The following C1QTNF2 variants were observed in gnomAD, a reference collection of about 807,000 sequenced individuals.
C1QTNF2 encodes complement C1q tumor necrosis factor-related protein 2.
A neutral mutation model predicts 17.4 loss-of-function variants in C1QTNF2; 15 were observed. The ratio of observed to expected loss-of-function variants is 0.86; its 90% CI spans 0.58 to 1.33. The LOEUF (loss-of-function observed/expected upper bound fraction) is 1.33, where lower values mean the gene tolerates loss of function less well. C1QTNF2 is among the 40% of genes most tolerant of loss of function. C1QTNF2 has a pLI of 0.00. For missense variants in C1QTNF2, 381 were observed against 392.3 expected, an observed-to-expected ratio of 0.97 and a Z score of 0.24; for synonymous variants, 154 against 163.3, an observed-to-expected ratio of 0.94 and a Z score of 0.44.
At chr5:160,358,577 C>G (rs1764094380) in intron 1 of C1QTNF2, among the ~76,000 whole-genome samples, 1 of 151,964 alleles carries the variant, frequency 6.6e-6, no homozygotes, top group Admixed American at 6.5e-5. Context: ...GATCCTCCTG[C>G]CTCAGCCTTC....
intron 1 of C1QTNF2, 49 bp downstream of exon 1, chr5:160,370,463 C>T: frequency 7.2e-7 from 1 of 1,386,950 alleles, no homozygotes; most frequent in Non-Finnish European, 9.3e-7. Flanking sequence ...TCCTCCTCCT[C>T]CCCGCGCGCA....
intron 2 of C1QTNF2, among the ~76,000 whole-genome samples, chr5:160,351,868 A>G (rs1763930776): frequency 6.6e-6 from 1 of 152,014 alleles, no homozygotes; most frequent in Admixed American, 6.6e-5. Context: ...AATAAACAAA[A>G]GGTGGGAAAA....
intron 1 of C1QTNF2, 136 bp from the exon 2 acceptor site, chr5:160,355,156 C>T: frequency 7.1e-7 from 1 of 1,413,050 alleles, no homozygotes; most frequent in South Asian, 1.6e-5. Context: ...TCCTGCATCA[C>T]ATACAAGTAG....
intron 1 of C1QTNF2, among the ~76,000 whole-genome samples, chr5:160,360,223 A>C (rs1764128528): frequency 6.6e-6 from 1 of 152,146 alleles, no homozygotes; most frequent in Admixed American, 6.5e-5. Context: ...ATGTGTCTCC[A>C]CTAAAATGTA....
At chr5:160,366,097 T>C (rs1245080073) in intron 1 of C1QTNF2, among the ~76,000 whole-genome samples, 1 of 152,204 alleles carries the variant, frequency 6.6e-6, no homozygotes, top group Non-Finnish European at 1.5e-5. Context: ...CTTTCATCCA[T>C]TGCTCCCTTT....
At chr5:160,357,866 G>A (rs1174054461) in intron 1 of C1QTNF2, among the ~76,000 whole-genome samples, 1 of 150,784 alleles carries the variant, frequency 6.6e-6, no homozygotes, top group Non-Finnish European at 1.5e-5. Context: ...CGAGAGAGAG[G>A]GAGAGAGACA....
intron 2 of C1QTNF2, among the ~76,000 whole-genome samples, chr5:160,352,816 G>C (rs1438656312): frequency 1.3e-5 from 2 of 152,226 alleles, no homozygotes; most frequent in Non-Finnish European, 2.9e-5. Context: ...GAAGGAATTA[G>C]TTTGGTGTGG....
rs140631794 is a variant in C1QTNF2, at chr5:160,353,531, C to A, written c.244+1237G>T. On this transcript the variant is annotated intron_variant, in intron 2 of 2. Transcript: ENST00000652664. ...GCAGGGGTGGGTCCATGAGCCTGCC[C>A]TGCAAATGGAGGCACCTCACCTCCT... Among the ~76,000 whole-genome samples the A allele has an allele frequency of 3.0e-4, 45 of 152,218 alleles. No individual in the cohort carries two copies. The South Asian group carries it at 8.3e-3, about 28-fold the overall frequency.
At chr5:160,350,605 G>A (rs915177394) in intron 2 of C1QTNF2, among the ~76,000 whole-genome samples, 1 of 152,148 alleles carries the variant, frequency 6.6e-6, no homozygotes, top group African/African-American at 2.4e-5. Context: ...GGGAGGCTGA[G>A]GTGACAGGAT....
In C1QTNF2 at chr5:160,349,330, C is replaced by G; in HGVS notation, c.696G>C (p.Val232=). The G allele has an allele frequency of 6.2e-7, 1 of 1,614,114 alleles. No homozygotes were observed. The change falls in exon 3 of 3, where the codon GTG becomes GTC. Residue 232 remains valine (V), a synonymous_variant. Coordinates refer to ENST00000652664, the MANE Select transcript of C1QTNF2 (RefSeq NM_031908.6). The surrounding 1 kb of genome is among the most constrained non-coding windows in gnomAD (Gnocchi z 4.3). ...GAGCCAGGATGGTGGAGCCTGAGGC[C>G]ACATCGTGGTTGCCGGTGTTGGCAT... ...TFDANTGNHD[V]ASGSTILALK...
At chr5:160,363,657 C>T (rs747424935) in intron 1 of C1QTNF2, among the ~76,000 whole-genome samples, 6 of 152,154 alleles carry the variant, frequency 3.9e-5, no homozygotes, top group Admixed American at 1.3e-4. Context: ...TGGTGTATAA[C>T]GTGGTGGGCA....
At chr5:160,368,990 GC>G (rs1323288660) in intron 1 of C1QTNF2, among the ~76,000 whole-genome samples, 1 of 151,964 alleles carries the variant, frequency 6.6e-6, no homozygotes, top group Non-Finnish European at 1.5e-5. Flanking sequence ...TGAAAACATG[GC>G]GAAGACACAC....
At chr5:160,359,455 C>T (rs1173315481) in intron 1 of C1QTNF2, among the ~76,000 whole-genome samples, 1 of 152,136 alleles carries the variant, frequency 6.6e-6, no homozygotes, top group Non-Finnish European at 1.5e-5. Context: ...TATATTTTTC[C>T]CCCTAAATAT....
chr5:160,356,271 G>A (rs1413079963), intron 1 of C1QTNF2, among the ~76,000 whole-genome samples: 1 of 152,220 alleles, frequency 6.6e-6, no homozygotes, highest in African/African-American at 2.4e-5. Context: ...ATGGCAACTT[G>A]CTTTGTGACC....
At chr5:160,353,882 C>T (rs1220738486) in intron 2 of C1QTNF2, among the ~76,000 whole-genome samples, 3 of 148,688 alleles carry the variant, frequency 2.0e-5, no homozygotes, top group South Asian at 2.1e-4. Flanking sequence ...CAACTCACTC[C>T]AACCTCTGCC....
chr5:160,353,897 G>A (rs1763976473), intron 2 of C1QTNF2, among the ~76,000 whole-genome samples: 1 of 142,496 alleles, frequency 7.0e-6, no homozygotes, highest in South Asian at 2.2e-4. Flanking sequence ...TCTGCCTCCT[G>A]GGTTCAAGCA....
intron 1 of C1QTNF2, among the ~76,000 whole-genome samples, chr5:160,357,592 C>A (rs1402376923): frequency 1.3e-5 from 2 of 152,206 alleles, no homozygotes; most frequent in East Asian, 3.9e-4. Flanking sequence ...ACATCTGGGA[C>A]CCCCAGAATA....
chr5:160,369,677 C>G (rs1276559426), intron 1 of C1QTNF2, among the ~76,000 whole-genome samples: 4 of 152,084 alleles, frequency 2.6e-5, no homozygotes. Flanking sequence ...TGCAGGCTTC[C>G]AAGCAGGGCA....
intron 1 of C1QTNF2, among the ~76,000 whole-genome samples, chr5:160,366,078 A>G (rs1248029692): frequency 6.6e-6 from 1 of 152,122 alleles, no homozygotes; most frequent in East Asian, 1.9e-4. Flanking sequence ...ACTGTGCCCT[A>G]TTTGTAGTCT....
Sources: gnomAD v4.1 joint callset for allele counts (sites outside exome capture counted in the v4.1 genomes callset) on GRCh38, gnomAD v4.1.1 for gene constraint, Gnocchi (gnomAD v3.1) non-coding constraint, MANE v1.5 for transcripts, NCBI Gene and HGNC (gene_info 2026-07-23, HGNC 2026-07-21) for gene names.